PLCB1: variants seen among roughly 807,000 people sequenced by gnomAD.
PLCB1 encodes the protein phospholipase C beta 1.
In PLCB1, 46 loss-of-function variants were observed where a neutral mutation model predicts 161.8. The ratio of observed to expected loss-of-function variants is 0.28; its 90% CI spans 0.22 to 0.36. The LOEUF is 0.36. Ranked by LOEUF, PLCB1 falls within the 10% of genes least tolerant of loss-of-function variation. The pLI is 1.00. For synonymous variants in PLCB1, 517 were observed against 503.7 expected (o/e 1.03, Z -0.35); for missense variants, 1,016 against 1,472.5 (o/e 0.69, Z 5.07).
chr20:8,677,923 A>T (rs559079315), intron 9 of PLCB1, among the ~76,000 whole-genome samples: 15 of 152,330 alleles, frequency 9.8e-5, no homozygotes, highest in African/African-American at 3.6e-4. Context: ...AAAGGGGAAG[A>T]CATGGCATAA....
At chr20:8,387,376 G>A (rs1987455391) in intron 3 of PLCB1, among the ~76,000 whole-genome samples, 1 of 152,124 alleles carries the variant, frequency 6.6e-6, no homozygotes, top group South Asian at 2.1e-4. Flanking sequence ...CCCCAGGAGA[G>A]GGAGAAAGAT....
At chr20:8,735,664 TACA>T (rs1980544542) in intron 19 of PLCB1, among the ~76,000 whole-genome samples, 1 of 152,246 alleles carries the variant, frequency 6.6e-6, no homozygotes, top group African/African-American at 2.4e-5. Flanking sequence ...ATCTTAAACA[TACA>T]ACATCTTCTG....
intron 2 of PLCB1, among the ~76,000 whole-genome samples, chr20:8,177,530 G>A (rs1468458471): frequency 2.0e-5 from 3 of 151,928 alleles, no homozygotes; most frequent in African/African-American, 7.3e-5. Flanking sequence ...TTCTATTCTA[G>A]GCTGCTACTC....
Position 8,378,604 on chromosome 20 carries a change from A to C in PLCB1, c.246+7154A>C, listed in dbSNP as rs78948604. Among the ~76,000 whole-genome samples, 235 of 152,328 alleles carry C rather than the reference A, an allele frequency of 1.5e-3. 8 individuals carry two copies. The East Asian group carries it at 0.038, about 25-fold the overall frequency. ...TCAAAGGCTGCTGGCCATTCAGGGT[A>C]GTGATTGCTGAAGATTAGGGTAGTG... On this transcript the variant is annotated intron_variant, in intron 3 of 31. Transcript: ENST00000338037.
chr20:8,228,407 T>TTG (rs1568597773), intron 2 of PLCB1, among the ~76,000 whole-genome samples: 3 of 151,588 alleles, frequency 2.0e-5, no homozygotes, highest in African/African-American at 4.8e-5. Flanking sequence ...CCACCTATCC[T>TTG]TCTGGATTGC....
intron 23 of PLCB1, among the ~76,000 whole-genome samples, chr20:8,744,868 G>A (rs6133616): frequency 0.46 from 70,281 of 151,672 alleles, 16,500 homozygotes; most frequent in East Asian, 0.67. Flanking sequence ...ATGTCCTTTG[G>A]AAACCTTATC....
intron 3 of PLCB1, among the ~76,000 whole-genome samples, chr20:8,553,403 T>C (rs1985837527): frequency 6.6e-6 from 1 of 152,166 alleles, no homozygotes; most frequent in Non-Finnish European, 1.5e-5. Context: ...GAATCGTTTC[T>C]TGAAATAAAG....
chr20:8,136,483 G>A (rs1017011941), intron 1 of PLCB1, among the ~76,000 whole-genome samples: 5 of 152,070 alleles, frequency 3.3e-5, no homozygotes, highest in East Asian at 3.9e-4. Context: ...AAAATTAGCC[G>A]GGCGTGGTGG....
At position 8,658,653 on chromosome 20, in the gene PLCB1, G is replaced by C; in HGVS notation, c.811G>C (p.Val271Leu). The change falls in exon 9 of 32, where the codon GTC becomes CTC. Residue 271 changes from valine to leucine, a missense_variant. This residue lies in a region of PLCB1 where 117 missense variants were observed against 142.2 expected (regional missense o/e 0.82). Transcript: ENST00000338037. Reference sequence around the variant, plus strand: ...TTATCCACCTCTAAAACAAGAGCAAGTCCAAGTATTGATTGAGAAGTATGA... The same window carrying C: ...TTATCCACCTCTAAAACAAGAGCAACTCCAAGTATTGATTGAGAAGTATGA... Reference protein sequence around the residue: ...ILYPPLKQEQVQVLIEKYEPN... With the variant: ...ILYPPLKQEQLQVLIEKYEPN... 6.2e-7 allele frequency: 1 copy of C among 1,612,968 alleles called. No homozygotes were observed. Among genetic ancestry groups the C allele is most frequent in the Non-Finnish European group, 8.5e-7 (1 of 1,179,432 alleles).
chr20:8,572,479 T>A lies in PLCB1; in HGVS notation c.247-55815T>A, dbSNP rs192895016. Reference sequence around the variant, plus strand: ...CATTTGAAGCAAGTTCTGATTCTAATGGAAAGCATGACTTTTCATAGATGT... The same window carrying A: ...CATTTGAAGCAAGTTCTGATTCTAAAGGAAAGCATGACTTTTCATAGATGT... On this transcript the variant is annotated intron_variant, in intron 3 of 31. Coordinates refer to ENST00000338037, the MANE Select transcript of PLCB1 (RefSeq NM_015192.4). 2.6e-5 allele frequency among the ~76,000 whole-genome samples: 4 copies of A among 152,360 alleles called. No homozygotes were observed. In the East Asian group the frequency reaches 7.7e-4, roughly 29 times the overall value.
intron 2 of PLCB1, among the ~76,000 whole-genome samples, chr20:8,300,153 T>C (rs535889034): frequency 6.6e-6 from 1 of 152,100 alleles, no homozygotes; most frequent in Non-Finnish European, 1.5e-5. Flanking sequence ...GCTCCATGTG[T>C]CTCATCCTCC....
intron 11 of PLCB1, among the ~76,000 whole-genome samples, chr20:8,703,918 G>A (rs1356981203): frequency 6.6e-6 from 1 of 152,190 alleles, no homozygotes; most frequent in African/African-American, 2.4e-5. Flanking sequence ...AATTAGAGGA[G>A]GGGAGGAGGG....
intron 31 of PLCB1, among the ~76,000 whole-genome samples, chr20:8,833,108 A>G (rs1002777549): frequency 1.4e-4 from 22 of 152,208 alleles, no homozygotes; most frequent in African/African-American, 5.3e-4. Flanking sequence ...TGGGTCTTCC[A>G]TGTGGGCCCT....
chr20:8,431,735 G>A (rs1348829464), intron 3 of PLCB1, among the ~76,000 whole-genome samples: 5 of 152,110 alleles, frequency 3.3e-5, no homozygotes, highest in Admixed American at 2.6e-4. Context: ...AAAATTTAGT[G>A]TCAGCAAAAA....
chr20:8,575,207 T>C (rs1468224447), intron 3 of PLCB1, among the ~76,000 whole-genome samples: 2 of 152,212 alleles, frequency 1.3e-5, no homozygotes, highest in Non-Finnish European at 2.9e-5. Context: ...ATGAGTAAAA[T>C]GTGTCTTCAA....
chr20:8,424,205 G>A (rs1979650849), intron 3 of PLCB1, among the ~76,000 whole-genome samples: 1 of 152,088 alleles, frequency 6.6e-6, no homozygotes, highest in South Asian at 2.1e-4. Context: ...AGGACCATGA[G>A]TTACGAGATA....
At position 8,235,151 on chromosome 20, in the gene PLCB1, C is replaced by G. The variant is rs73897362; in HGVS notation, c.177+84780C>G. ...TGTGGCTATCTTTCAAAGTATGTGT[C>G]TGAGATATTATTCAGAGCCTTTTCC... On this transcript the variant is annotated intron_variant, in intron 2 of 31. Coordinates refer to ENST00000338037, the MANE Select transcript of PLCB1 (RefSeq NM_015192.4). 9.5e-3 allele frequency among the ~76,000 whole-genome samples: 1,444 copies of G among 152,140 alleles called. 24 individuals carry two copies. Among genetic ancestry groups the G allele is most frequent in the African/African-American group, 0.032 (1,316 of 41,532 alleles).
intron 31 of PLCB1, among the ~76,000 whole-genome samples, chr20:8,796,593 A>C (rs1984037002): frequency 6.6e-6 from 1 of 152,080 alleles, no homozygotes; most frequent in Admixed American, 6.5e-5. Context: ...AATTAACCAC[A>C]CAGTGGTTTG....
chr20:8,742,643 A>T (rs1209616391), intron 23 of PLCB1, among the ~76,000 whole-genome samples: 1 of 152,160 alleles, frequency 6.6e-6, no homozygotes, highest in African/African-American at 2.4e-5. Flanking sequence ...GATAATATTC[A>T]CAGTCTGTGT....
Sources: gnomAD v4.1 joint callset for allele counts (sites outside exome capture counted in the v4.1 genomes callset) on GRCh38, gnomAD v4.1.1 for gene constraint, gnomAD v4.1.1 regional missense constraint, MANE v1.5 for transcripts, NCBI Gene and HGNC (gene_info 2026-07-23, HGNC 2026-07-21) for gene names.